The following RBFOX1 variants were observed in gnomAD, a reference collection of about 807,000 sequenced individuals.
RBFOX1 encodes the protein RNA binding protein fox-1 homolog 1.
A neutral mutation model predicts 57.7 loss-of-function variants in RBFOX1; 8 were observed. That is an observed-to-expected ratio of 0.14 (90% CI 0.08 to 0.25). The LOEUF is 0.25. Among genes scored for constraint, RBFOX1 ranks in the 10% least tolerant of loss-of-function variants. The probability of loss-of-function intolerance (pLI) is 1.00; values close to 1 mark genes in which losing one functional copy is unlikely to be tolerated. For missense variants in RBFOX1, 611 were observed against 548.5 expected (o/e 1.11, Z -1.14); for synonymous variants, 326 against 222.4 (o/e 1.47, Z -4.15).
intron 1 of RBFOX1, among the ~76,000 whole-genome samples, chr16:6,187,077 C>G (rs2097109902): frequency 6.6e-6 from 1 of 151,996 alleles, no homozygotes; most frequent in Non-Finnish European, 1.5e-5. Context: ...TATCATGGAC[C>G]AGTAGAGGGG....
At chr16:7,496,046 T>G (rs116017729) in intron 4 of RBFOX1, among the ~76,000 whole-genome samples, 131 of 152,284 alleles carry the variant, frequency 8.6e-4, no homozygotes, top group African/African-American at 3.0e-3. Context: ...CGTGGTGTGG[T>G]GGGAAGATAC....
chr16:6,514,547 C>G (rs12918180), intron 2 of RBFOX1, among the ~76,000 whole-genome samples: 34,455 of 152,052 alleles, frequency 0.23, 4,545 homozygotes, highest in Non-Finnish European at 0.3. Context: ...TAAATGTGCT[C>G]TAGCAGTTGA....
chr16:6,447,073 G>A (rs115766552), intron 2 of RBFOX1, among the ~76,000 whole-genome samples: 2,909 of 152,144 alleles, frequency 0.019, 94 homozygotes, highest in African/African-American at 0.066. Flanking sequence ...CCTTTTCAAC[G>A]GGAAAACTTC....
intron 1 of RBFOX1, among the ~76,000 whole-genome samples, chr16:5,446,024 G>A (rs2068229380): frequency 6.6e-6 from 1 of 152,198 alleles, no homozygotes; most frequent in African/African-American, 2.4e-5. Flanking sequence ...TTTTGTTGAT[G>A]GATGTAAATG....
At chr16:7,158,774 G>T (rs73546741) in intron 4 of RBFOX1, among the ~76,000 whole-genome samples, 21,072 of 151,860 alleles carry the variant, frequency 0.14, 1,751 homozygotes, top group East Asian at 0.32. Context: ...TGTGAGTAGT[G>T]TGTGTGTCTG....
intron 3 of RBFOX1, among the ~76,000 whole-genome samples, chr16:6,975,999 C>T (rs868430572): frequency 3.3e-5 from 5 of 151,898 alleles, no homozygotes; most frequent in Admixed American, 1.3e-4. Flanking sequence ...TGGTGGTGGG[C>T]GCCTGTAATC....
intron 2 of RBFOX1, among the ~76,000 whole-genome samples, chr16:6,575,806 A>G (rs1018520862): frequency 1.3e-5 from 2 of 151,712 alleles, no homozygotes; most frequent in African/African-American, 4.8e-5. Flanking sequence ...GTAGTTAGCC[A>G]AGATCACAGC....
chr16:6,407,594 A>AGAG (rs369941718), intron 2 of RBFOX1, among the ~76,000 whole-genome samples: 3 of 149,316 alleles, frequency 2.0e-5, no homozygotes, highest in East Asian at 2.0e-4. Flanking sequence ...AGAGAGAGAG[A>AGAG]AGTACATTCT....
At chr16:5,974,454 C>CA (rs1272070317) in intron 4 of RBFOX1, among the ~76,000 whole-genome samples, 1 of 151,554 alleles carries the variant, frequency 6.6e-6, no homozygotes, top group Non-Finnish European at 1.5e-5. Context: ...ACTAAAAATA[C>CA]AAAAAATTAG....
chr16:7,132,524 A>G (rs568858269), intron 4 of RBFOX1, among the ~76,000 whole-genome samples: 6 of 151,710 alleles, frequency 4.0e-5, no homozygotes, highest in Non-Finnish European at 5.9e-5. Context: ...GTATTCAGGT[A>G]TAAGTATTAA....
chr16:7,094,097 C>G (rs118070975), intron 4 of RBFOX1, among the ~76,000 whole-genome samples: 1,547 of 150,890 alleles, frequency 0.01, 16 homozygotes, highest in Non-Finnish European at 0.016. Context: ...AATAGCCCTT[C>G]TCTTCTTCAT....
intron 2 of RBFOX1, among the ~76,000 whole-genome samples, chr16:6,429,472 A>G (rs1217084663): frequency 6.6e-6 from 1 of 152,202 alleles, no homozygotes; most frequent in African/African-American, 2.4e-5. Context: ...TGCAATGCAG[A>G]TGATTCTTCA....
At chr16:7,193,124 G>C (rs989082030) in intron 4 of RBFOX1, among the ~76,000 whole-genome samples, 2 of 152,208 alleles carry the variant, frequency 1.3e-5, no homozygotes, top group Admixed American at 1.3e-4. Context: ...GGTTGGCCTT[G>C]AGATAGGCGC....
Position 6,670,890 on chromosome 16 carries a change from C to T in RBFOX1, c.-16+16240C>T, listed in dbSNP as rs528569209. On this transcript the variant is annotated intron_variant, in intron 3 of 15. Coordinates refer to ENST00000550418, the MANE Select transcript of RBFOX1 (RefSeq NM_018723.4). The stretch of plus-strand genomic sequence containing the variant: ...TGGCGGGAGCCTGTAGTCCCAGCTA[C>T]TTGGGAGGCTGAGGCAGGAGAGAGG... 1.9e-4 allele frequency among the ~76,000 whole-genome samples: 29 copies of T among 152,110 alleles called. No homozygotes were observed. In the East Asian group the frequency reaches 5.2e-3, roughly 27 times the overall value.
chr16:7,498,448 GT>G (rs35340425), intron 4 of RBFOX1, among the ~76,000 whole-genome samples: 16 of 150,902 alleles, frequency 1.1e-4, no homozygotes, highest in African/African-American at 2.2e-4. Flanking sequence ...TATGTAGTGG[GT>G]TTTTTTTTAT....
At chr16:6,151,358 T>C (rs2096796522) in intron 1 of RBFOX1, among the ~76,000 whole-genome samples, 1 of 152,202 alleles carries the variant, frequency 6.6e-6, no homozygotes, top group Non-Finnish European at 1.5e-5. Context: ...CGATCTCGGC[T>C]CACTGCAACC....
chr16:6,862,696 G>A (rs1384024589), intron 3 of RBFOX1, among the ~76,000 whole-genome samples: 1 of 152,108 alleles, frequency 6.6e-6, no homozygotes, highest in African/African-American at 2.4e-5. Flanking sequence ...CATCACAGAT[G>A]CTGTTTAAGA....
intron 4 of RBFOX1, among the ~76,000 whole-genome samples, chr16:7,269,248 G>C (rs1401377804): frequency 1.3e-5 from 2 of 151,978 alleles, no homozygotes; most frequent in Non-Finnish European, 2.9e-5. Flanking sequence ...CTTCCTGCTA[G>C]ACATAGACAC....
intron 1 of RBFOX1, among the ~76,000 whole-genome samples, chr16:6,249,772 C>CTTTT (rs55802545): frequency 7.1e-6 from 1 of 140,656 alleles, no homozygotes; most frequent in African/African-American, 2.6e-5. Flanking sequence ...CATTTTTTTT[C>CTTTT]TTTTTTTTTT....
Sources: allele counts gnomAD v4.1 joint callset (sites outside exome capture counted in the v4.1 genomes callset), GRCh38; gene constraint gnomAD v4.1.1; transcripts MANE v1.5; gene names NCBI Gene and HGNC (gene_info 2026-07-23, HGNC 2026-07-21).